DOP1A: variants seen among roughly 807,000 people sequenced by gnomAD.
The protein encoded by DOP1A is DOP1 leucine zipper like protein A.
A neutral mutation model predicts 267.6 loss-of-function variants in DOP1A; 90 were observed. The ratio of observed to expected loss-of-function variants is 0.34; its 90% confidence interval spans 0.28 to 0.40. The LOEUF is 0.40. DOP1A is among the 10% of genes least tolerant of loss of function. DOP1A has a pLI of 1.00. For missense variants in DOP1A, 2,437 were observed against 2,900.4 expected (o/e 0.84, Z 3.67); for synonymous variants, 932 against 999.1 (o/e 0.93, Z 1.27).
chr6:83,101,522 A>G (rs1772585320), intron 4 of DOP1A, among the ~76,000 whole-genome samples: 3 of 152,172 alleles, frequency 2.0e-5, no homozygotes, highest in African/African-American at 7.2e-5. Context: ...AACTTTCAAC[A>G]TGGTTGACTC....
At chr6:83,155,573 A>G (rs1239991713) in intron 33 of DOP1A, among the ~76,000 whole-genome samples, 2 of 152,204 alleles carry the variant, frequency 1.3e-5, no homozygotes, top group East Asian at 1.9e-4. Flanking sequence ...GAGGGTGAGT[A>G]ATGACTTGAG....
rs116394069 is a variant in DOP1A, at chr6:83,096,733, A to C, written c.-144A>C. On this transcript the variant is annotated splice_region_variant and 5_prime_UTR_variant, in exon 2 of 39. Coordinates refer to ENST00000349129, the MANE Select transcript of DOP1A (RefSeq NM_015018.4). ...ACAGTCATTTTTCCAATTCCTAGGA[A>C]GGAACACACAAGTAGTTATCTTTCA... 1,025 of 411,856 alleles carry C rather than the reference A, an allele frequency of 2.5e-3. 12 individuals carry two copies. The highest frequency in any genetic ancestry group is 0.019 in the African/African-American group (935 of 49,332). The allele number at this position is 411,856 out of a possible 1,614,324, so 25.5% of individuals were successfully genotyped here. A position where few individuals can be genotyped will look rare whatever the true frequency, so the allele number is the denominator to read the frequency against.
chr6:83,152,667 G>T (rs1407156889), intron 30 of DOP1A, among the ~76,000 whole-genome samples: 1 of 149,604 alleles, frequency 6.7e-6, no homozygotes, highest in Non-Finnish European at 1.5e-5. Context: ...GCCCAGGCTG[G>T]AGTCAAGTGG....
At chr6:83,106,147 A>G (rs1773572735) in intron 4 of DOP1A, among the ~76,000 whole-genome samples, 1 of 152,248 alleles carries the variant, frequency 6.6e-6, no homozygotes, top group Non-Finnish European at 1.5e-5. Context: ...AAATACTTTT[A>G]AAGTTCTATA....
At chr6:83,100,920 T>C (rs1328834894) in intron 4 of DOP1A, 34 bp downstream of exon 4, 1 of 1,271,538 alleles carries the variant, frequency 7.9e-7, no homozygotes. Flanking sequence ...ATACAAATAA[T>C]ATAAAGAAAA....
chr6:83,139,018 A>G lies in DOP1A; in HGVS notation c.4976A>G (p.Gln1659Arg). ...HQHCACKMHP[Q>R]WIGLITSTLP... Reference sequence around the variant, plus strand: ...CACTGTGCATGTAAGATGCACCCACAATGGATTGGTTTAATCACATCTACT... The same window carrying G: ...CACTGTGCATGTAAGATGCACCCACGATGGATTGGTTTAATCACATCTACT... The change falls in exon 21 of 39, where the codon CAA becomes CGA. Residue 1659 changes from glutamine to arginine, a missense_variant. Physicochemically the swap from Gln to Arg is conservative, Grantham distance 43. Around this residue, in one of 9 missense-constraint regions of DOP1A, gnomAD observed 307 missense variants for 308.6 expected, o/e 0.99. Transcript: ENST00000349129. 6.2e-6 allele frequency: 10 copies of G among 1,614,056 alleles called. No homozygotes were observed. Among genetic ancestry groups the G allele is most frequent in the Non-Finnish European group, 8.5e-6 (10 of 1,179,956 alleles).
chr6:83,096,706 TCA>T (rs1247212887), intron 1 of DOP1A, 23 bp from the exon 2 acceptor site: 2 of 412,486 alleles, frequency 4.8e-6, no homozygotes, highest in Admixed American at 4.1e-5. Flanking sequence ...TACTAAATTT[TCA>T]CAGTCATTTT....
chr6:83,169,048 A>C, downstream of DOP1A: 1 of 1,379,356 alleles, frequency 7.2e-7, no homozygotes, highest in Non-Finnish European at 9.4e-7. Context: ...TTTCTTTAAC[A>C]AGTGTAAGGC....
In DOP1A at chr6:83,168,093, T is replaced by C. The variant is rs974310222; in HGVS notation, c.7324T>C (p.Cys2442Arg). 5 of 1,614,150 alleles carry C rather than the reference T, an allele frequency of 3.1e-6. No individual in the cohort carries two copies. Among genetic ancestry groups the C allele is most frequent in the Non-Finnish European group, 3.4e-6 (4 of 1,180,028 alleles). Reference sequence around the variant, plus strand: ...CATGAAACTGGAGAACCACAAACCATGTTCCAGCAAAGCCAGGCAAAAAAT... The same window carrying C: ...CATGAAACTGGAGAACCACAAACCACGTTCCAGCAAAGCCAGGCAAAAAAT... ...KDMKLENHKP[C>R]SSKARQKIEE... is the part of the protein sequence containing the mutation. Residue 2442 changes from cysteine to arginine, a missense_variant, in exon 39 of 39, where the codon TGT becomes CGT. Transcript: ENST00000349129.
At chr6:83,148,371 G>A (rs147101234) in intron 26 of DOP1A, among the ~76,000 whole-genome samples, 3 of 152,040 alleles carry the variant, frequency 2.0e-5, no homozygotes, top group African/African-American at 7.2e-5. Context: ...CCGAGATCGC[G>A]CTACTGTGCT....
chr6:83,082,491 GC>G (rs1768277912), intron 1 of DOP1A, among the ~76,000 whole-genome samples: 1 of 152,200 alleles, frequency 6.6e-6, no homozygotes, highest in African/African-American at 2.4e-5. Context: ...ATAGAATGGT[GC>G]TTACCAGCGG....
chr6:83,096,957 C>G lies in DOP1A; in HGVS notation c.-21C>G. 6 of 1,612,470 alleles carry G rather than the reference C, an allele frequency of 3.7e-6. No homozygotes were observed. Among genetic ancestry groups the G allele is most frequent in the Non-Finnish European group, 5.1e-6 (6 of 1,179,236 alleles). On this transcript the variant is annotated 5_prime_UTR_variant, in exon 3 of 39. Coordinates refer to ENST00000349129, the MANE Select transcript of DOP1A (RefSeq NM_015018.4). ...CTTTACATGAGTTTGGAACTGGTCT[C>G]TAGTGGGAAGTTGTGGGAGGATGAA...
Position 83,079,076 on chromosome 6 carries a change from G to T in DOP1A, c.-147+11297G>T, listed in dbSNP as rs528317793. On this transcript the variant is annotated intron_variant, in intron 1 of 38. Coordinates refer to ENST00000349129, the MANE Select transcript of DOP1A (RefSeq NM_015018.4). ...AATTCTAGTTTACTTTGTCCATCAA[G>T]GGAGTTAACCCTTGTGCAAGGCTAC... Among the ~76,000 whole-genome samples the T allele has an allele frequency of 5.9e-5, 9 of 152,250 alleles. No individual in the cohort carries two copies. The South Asian group carries it at 1.5e-3, about 25-fold the overall frequency.
At chr6:83,144,855 GT>G (rs1267143868) in intron 24 of DOP1A, among the ~76,000 whole-genome samples, 2 of 151,482 alleles carry the variant, frequency 1.3e-5, no homozygotes, top group Admixed American at 1.3e-4. Context: ...TTATTGTTCT[GT>G]TTTATTTTTT....
intron 6 of DOP1A, among the ~76,000 whole-genome samples, chr6:83,110,569 A>G (rs1456243705): frequency 2.6e-5 from 4 of 152,194 alleles, no homozygotes; most frequent in Admixed American, 2.6e-4. Flanking sequence ...ATATAGCCAG[A>G]TTCCGTATGG....
At chr6:83,073,016 A>G (rs1365052129) in intron 1 of DOP1A, 1 of 364,784 alleles carries the variant, frequency 2.7e-6, no homozygotes, top group Admixed American at 3.3e-5. Flanking sequence ...ATTTTGGAAG[A>G]AATAAGTGTT....
intron 38 of DOP1A, chr6:83,164,875 T>C: frequency 1.6e-6 from 1 of 606,280 alleles, no homozygotes; most frequent in Non-Finnish European, 2.9e-6. Context: ...AGAAATCATT[T>C]GTATGGAAAC....
intron 1 of DOP1A, among the ~76,000 whole-genome samples, chr6:83,085,143 T>G (rs1768868026): frequency 6.6e-6 from 1 of 152,230 alleles, no homozygotes; most frequent in African/African-American, 2.4e-5. Flanking sequence ...GTTCTGCTTT[T>G]TATTTTTCTT....
In DOP1A at chr6:83,138,712, A is replaced by G; in HGVS notation, c.4670A>G (p.Glu1557Gly). The G allele has an allele frequency of 6.2e-7, 1 of 1,614,082 alleles. No individual in the cohort carries two copies. Among genetic ancestry groups the G allele is most frequent in the Non-Finnish European group, 8.5e-7 (1 of 1,179,954 alleles). Residue 1557 changes from glutamate to glycine, a missense_variant, in exon 21 of 39, where the codon GAA becomes GGA. Physicochemically the swap from Glu to Gly is moderately conservative, Grantham distance 98. This residue lies in a region of DOP1A where 878 missense variants were observed against 992.9 expected (regional missense o/e 0.88). Transcript: ENST00000349129. ...MAGKNLVAVE[E>G]GFSEDSLINF... ...GGTAAGAACCTGGTTGCTGTGGAAG[A>G]AGGTTTCTCAGAGGACAGCCTTATT... is the stretch of plus-strand genomic sequence containing the variant.
Sources: gnomAD v4.1 joint callset for allele counts (sites outside exome capture counted in the v4.1 genomes callset) on GRCh38, gnomAD v4.1.1 for gene constraint, gnomAD v4.1.1 regional missense constraint, MANE v1.5 for transcripts, NCBI Gene and HGNC (gene_info 2026-07-23, HGNC 2026-07-21) for gene names.